The following LYPD6 variants were observed in gnomAD, a reference collection of about 807,000 sequenced individuals.
The protein encoded by LYPD6 is ly6/PLAUR domain-containing protein 6.
In LYPD6, 15 loss-of-function variants were observed where a neutral mutation model predicts 22.7. The observed-to-expected ratio is 0.66, with a 90% confidence interval of 0.44 to 1.02. The LOEUF (loss-of-function observed/expected upper bound fraction) is 1.02, where lower values mean the gene tolerates loss of function less well. Among genes scored for constraint, LYPD6 ranks in the 50% least tolerant of loss-of-function variants. LYPD6 has a pLI of 0.00. For missense variants in LYPD6, 189 were observed against 208.4 expected, an observed-to-expected ratio of 0.91 and a Z score of 0.57; for synonymous variants, 72 against 77.5, an observed-to-expected ratio of 0.93 and a Z score of 0.37.
chr2:149,455,526 G>C (rs1680938440), intron 3 of LYPD6, among the ~76,000 whole-genome samples: 1 of 152,120 alleles, frequency 6.6e-6, no homozygotes, highest in South Asian at 2.1e-4. Context: ...CCAAAGTGCT[G>C]GGATTATAGG....
chr2:149,452,094 C>G, intron 3 of LYPD6, among the ~76,000 whole-genome samples: 1 of 152,130 alleles, frequency 6.6e-6, no homozygotes, highest in Admixed American at 6.6e-5. Context: ...ACATGTCTTC[C>G]AGGAACTCAC....
At chr2:149,358,164 A>G (rs1220957754) in intron 1 of LYPD6, among the ~76,000 whole-genome samples, 1 of 152,196 alleles carries the variant, frequency 6.6e-6, no homozygotes, top group African/African-American at 2.4e-5. Flanking sequence ...AAACAAAATA[A>G]TGTTTTCTGG....
chr2:149,429,678 C>A (rs1443712744), intron 1 of LYPD6, among the ~76,000 whole-genome samples: 1 of 152,176 alleles, frequency 6.6e-6, no homozygotes, highest in Non-Finnish European at 1.5e-5. Context: ...CTCATGATTT[C>A]TGTGGGTCGG....
chr2:149,330,355 C>T (rs1416633857), upstream of LYPD6: 1 of 151,334 alleles, frequency 6.6e-6, no homozygotes, highest in African/African-American at 2.4e-5. Context: ...TCGGCTCCCG[C>T]TGGCCGGAGT....
intron 1 of LYPD6, among the ~76,000 whole-genome samples, chr2:149,379,520 T>C (rs1196869163): frequency 6.6e-6 from 1 of 152,234 alleles, no homozygotes; most frequent in Non-Finnish European, 1.5e-5. Context: ...TAGTTCCTAT[T>C]AGATTCAATG....
chr2:149,354,212 A>AT (rs1296112371), intron 1 of LYPD6, among the ~76,000 whole-genome samples: 2 of 151,780 alleles, frequency 1.3e-5, no homozygotes, highest in African/African-American at 4.8e-5. Flanking sequence ...TCCTATAGCC[A>AT]TTTTTTTCCC....
At chr2:149,336,798 G>C (rs1260201505) in intron 1 of LYPD6, among the ~76,000 whole-genome samples, 1 of 152,112 alleles carries the variant, frequency 6.6e-6, no homozygotes, top group East Asian at 1.9e-4. Context: ...CAGGTTTCAT[G>C]TAGTGTTAAT....
chr2:149,350,935 C>T (rs1057266657), intron 1 of LYPD6, among the ~76,000 whole-genome samples: 2 of 152,198 alleles, frequency 1.3e-5, no homozygotes, highest in South Asian at 2.1e-4. Flanking sequence ...GGACATGGCA[C>T]CCCTGCTTAT....
chr2:149,470,589 C>G, intron 4 of LYPD6, 94 bp from the exon 5 acceptor site: 1 of 1,046,682 alleles, frequency 9.6e-7, no homozygotes, highest in Non-Finnish European at 1.4e-6. Flanking sequence ...TTTTTACTTG[C>G]ATCTTGCCAT....
chr2:149,476,195 C>T (rs978726260), downstream of LYPD6, among the ~76,000 whole-genome samples: 6 of 152,078 alleles, frequency 3.9e-5, no homozygotes, highest in African/African-American at 1.4e-4. Flanking sequence ...ATTTAGAGGC[C>T]TCCTCTCCCT....
intron 2 of LYPD6, 62 bp from the exon 3 acceptor site, chr2:149,448,987 A>T: frequency 8.0e-7 from 1 of 1,249,582 alleles, no homozygotes; most frequent in Non-Finnish European, 1.1e-6. Flanking sequence ...AAAATGTCTT[A>T]ACTTCACAGG....
chr2:149,480,669 AGT>A, the LYPD6 span, among the ~76,000 whole-genome samples: 1 of 152,050 alleles, frequency 6.6e-6, no homozygotes, highest in Non-Finnish European at 1.5e-5. Flanking sequence ...CATCACTTGC[AGT>A]GTTATTGCCG....
intron 1 of LYPD6, among the ~76,000 whole-genome samples, chr2:149,405,473 G>A (rs1168210203): frequency 1.3e-5 from 2 of 152,208 alleles, no homozygotes. Context: ...GAGGGTGTAT[G>A]TGTCAAGGAA....
chr2:149,466,076 C>G (rs1422104004), intron 3 of LYPD6, among the ~76,000 whole-genome samples: 1 of 152,124 alleles, frequency 6.6e-6, no homozygotes, highest in African/African-American at 2.4e-5. Context: ...GAACAATGCT[C>G]TGTGGCTGAA....
rs553292754 is a variant in LYPD6, at chr2:149,355,825, TA to T, written c.-72+25104del. 1.3e-3 allele frequency among the ~76,000 whole-genome samples: 191 copies of T among 152,268 alleles called. 1 individual carries two copies. Among genetic ancestry groups the T allele is most frequent in the African/African-American group, 4.3e-3 (180 of 41,560 alleles). Reference sequence around the variant, plus strand: ...AGCAAATACCTGGCTCAAATTAACTTAGGAACATTAATCTCATGTATGGGCC... The same window carrying T: ...AGCAAATACCTGGCTCAAATTAACTTGGAACATTAATCTCATGTATGGGCC... On this transcript the variant is annotated intron_variant, in intron 1 of 4. Coordinates refer to ENST00000334166, the MANE Select transcript of LYPD6 (RefSeq NM_194317.5).
chr2:149,406,253 C>T (rs553076125), intron 1 of LYPD6, among the ~76,000 whole-genome samples: 14 of 152,088 alleles, frequency 9.2e-5, no homozygotes, highest in African/African-American at 3.1e-4. Flanking sequence ...ATTAGGTCCA[C>T]TTGGTGCAGA....
chr2:149,404,368 T>C (rs1682641387), intron 1 of LYPD6, among the ~76,000 whole-genome samples: 2 of 152,216 alleles, frequency 1.3e-5, no homozygotes, highest in Admixed American at 1.3e-4. Flanking sequence ...CCCATGAGCA[T>C]GGAATGTTCT....
chr2:149,457,632 T>C (rs1215171342), intron 3 of LYPD6, among the ~76,000 whole-genome samples: 2 of 152,164 alleles, frequency 1.3e-5, no homozygotes, highest in Non-Finnish European at 2.9e-5. Flanking sequence ...GTTGGATGCT[T>C]TAAATGTCCT....
chr2:149,427,470 A>T (rs1218512514), intron 1 of LYPD6, among the ~76,000 whole-genome samples: 1 of 151,916 alleles, frequency 6.6e-6, no homozygotes, highest in Non-Finnish European at 1.5e-5. Flanking sequence ...GAGTTCCTTG[A>T]CTCCTTTCCC....
Sources: allele counts gnomAD v4.1 joint callset (sites outside exome capture counted in the v4.1 genomes callset), GRCh38; gene constraint gnomAD v4.1.1; transcripts MANE v1.5; gene names NCBI Gene and HGNC (gene_info 2026-07-23, HGNC 2026-07-21).